Variants in UBALD1 observed in about 807,000 individuals in gnomAD.
UBALD1 encodes the protein UBA-like domain-containing protein 1.
Under a neutral mutation model 16.1 loss-of-function variants are expected in UBALD1, and 5 were observed. That is an observed-to-expected ratio of 0.31 (90% CI 0.16 to 0.66). UBALD1 has a LOEUF of 0.66. Among genes scored for constraint, UBALD1 ranks in the 30% least tolerant of loss-of-function variants. The pLI is 0.77. For missense variants in UBALD1, 220 were observed against 252.8 expected (o/e 0.87, Z 0.88); for synonymous variants, 146 against 105.3 (o/e 1.39, Z -2.37).
At position 4,609,918 on chromosome 16, in the gene UBALD1, G is replaced by A. The variant is rs1471443888; in HGVS notation, c.249C>T (p.Ser83=). ...GGAAGCTCTCGGAGGCCTTGAGACG[G>A]GAGAACATGGTGAGAGCGTCAGGGA... ...PNFPDALTMF[S]RLKASESFHS... is the part of the protein sequence containing the mutation. Residue 83 remains serine, a synonymous_variant, in exon 3 of 3, where the codon TCC becomes TCT. Coordinates refer to ENST00000283474, the MANE Select transcript of UBALD1 (RefSeq NM_145253.3). 1 of 1,597,710 alleles carries A rather than the reference G, an allele frequency of 6.3e-7. No individual in the cohort carries two copies. Among genetic ancestry groups the A allele is most frequent in the African/African-American group, 1.3e-5 (1 of 74,558 alleles).
At chr16:4,614,553 C>T (rs1897400183) in intron 1 of UBALD1, 125 bp downstream of exon 1, 3 of 1,290,130 alleles carry the variant, frequency 2.3e-6, no homozygotes, top group South Asian at 2.1e-5. Flanking sequence ...GAAAGCGGGT[C>T]GGGTCTGCGG....
rs1368503942 is a variant in UBALD1 at position 4,614,815 on chromosome 16, C to T, written c.-18G>A. On this transcript the variant is annotated 5_prime_UTR_variant, in exon 1 of 3. Transcript: ENST00000283474. ...ACGGACATGGCGCCGCCGCGCTGCC[C>T]GCTCCGGCCTCCCTCCTCCGCCCGC... The T allele has an allele frequency of 1.3e-6, 2 of 1,493,758 alleles. No homozygotes were observed. Among genetic ancestry groups the T allele is most frequent in the African/African-American group, 1.5e-5 (1 of 68,902 alleles). 92.5% of individuals were successfully genotyped at this position (1,493,758 alleles called of 1,614,324 possible).
intron 1 of UBALD1, chr16:4,613,839 C>A (rs1040164559): frequency 2.6e-5 from 4 of 152,458 alleles, no homozygotes; most frequent in African/African-American, 4.8e-5. Flanking sequence ...TCACCTCCTA[C>A]CCAGCTAGCC....
intron 2 of UBALD1, 125 bp from the exon 3 acceptor site, chr16:4,610,108 C>A (rs953566719): frequency 1.2e-6 from 1 of 837,298 alleles, no homozygotes; most frequent in Non-Finnish European, 2.0e-6. Flanking sequence ...CCCAGATCCC[C>A]AAGCCTGTCC....
chr16:4,609,787 G>T lies in UBALD1; in HGVS notation c.380C>A (p.Ala127Glu). ...CTGTGGGCCCCCCGGGGGCGAGGCCGCCGTGGGCCAGCTGGAGGCCGCAGA... is the reference window on the plus strand; with the variant it reads ...CTGTGGGCCCCCCGGGGGCGAGGCCTCCGTGGGCCAGCTGGAGGCCGCAGA... Reference protein sequence around the residue: ...SSSAASSWPTAASPPGGPQHH... With the variant: ...SSSAASSWPTEASPPGGPQHH... The change falls in exon 3 of 3, where the codon GCG (alanine) becomes GAG (glutamate). Residue 127 changes from alanine (A) to glutamate (E), a missense_variant. Transcript: ENST00000283474. 1 of 1,507,732 alleles carries T rather than the reference G, an allele frequency of 6.6e-7. No individual in the cohort carries two copies. 93.4% of individuals were successfully genotyped at this position (1,507,732 alleles called of 1,614,324 possible). A position where few individuals can be genotyped will look rare whatever the true frequency, so the allele number is the denominator to read the frequency against.
At chr16:4,610,687 T>G in intron 1 of UBALD1, 132 bp from the exon 2 acceptor site, 1 of 963,246 alleles carries the variant, frequency 1.0e-6, no homozygotes, top group Non-Finnish European at 1.5e-6. Context: ...GTCGCGGTGC[T>G]GAGGCTCAGT....
Position 4,609,626 on chromosome 16 carries a change from G to A in UBALD1, c.*7C>T, listed in dbSNP as rs1897331895. ...TCCTGGCCTCCGGGAGGGGGGAGGG[G>A]CCTCCCTTATCTCTCTGCCTCCATG... is the stretch of plus-strand genomic sequence containing the variant. On this transcript the variant is annotated 3_prime_UTR_variant, in exon 3 of 3. Coordinates refer to ENST00000283474, the MANE Select transcript of UBALD1 (RefSeq NM_145253.3). 4.6e-6 allele frequency: 6 copies of A among 1,301,888 alleles called. No individual in the cohort carries two copies. Among genetic ancestry groups the A allele is most frequent in the South Asian group, 2.1e-5 (1 of 47,336 alleles). The allele number at this position is 1,301,888 out of a possible 1,614,324, so 80.6% of individuals were successfully genotyped here. A position where few individuals can be genotyped will look rare whatever the true frequency, so the allele number is the denominator to read the frequency against.
chr16:4,613,662 G>A (rs958750440), intron 1 of UBALD1, among the ~76,000 whole-genome samples: 2 of 152,164 alleles, frequency 1.3e-5, no homozygotes, highest in Non-Finnish European at 2.9e-5. Context: ...GAGGGGCACA[G>A]CTCAAAGGGC....
rs1000557402 is a variant in UBALD1, at chr16:4,609,516, C to A, written c.*117G>T. On this transcript the variant is annotated 3_prime_UTR_variant, in exon 3 of 3. Transcript: ENST00000283474. Reference sequence around the variant, plus strand: ...GCCTGGCTAGAGTCCGCGCTCTCCCCTCCAGGGCTCCGGGGAACAAGGGGT... The same window carrying A: ...GCCTGGCTAGAGTCCGCGCTCTCCCATCCAGGGCTCCGGGGAACAAGGGGT... 1 of 474,820 alleles carries A rather than the reference C, an allele frequency of 2.1e-6. No individual in the cohort carries two copies. The highest frequency in any genetic ancestry group is 3.5e-6 in the Non-Finnish European group (1 of 285,918). 29.4% of individuals were successfully genotyped at this position (474,820 alleles called of 1,614,324 possible).
Position 4,613,585 on chromosome 16 carries a change from C to T in UBALD1, c.120+1093G>A, listed in dbSNP as rs563726017. ...CTGGGATGGCTCCTCATGGAGAAACCAGGTTCCCAGTCCCCGGCTGGGCAC... is the reference window on the plus strand; with the variant it reads ...CTGGGATGGCTCCTCATGGAGAAACTAGGTTCCCAGTCCCCGGCTGGGCAC... On this transcript the variant is annotated intron_variant, in intron 1 of 2. Coordinates refer to ENST00000283474, the MANE Select transcript of UBALD1 (RefSeq NM_145253.3). Among the ~76,000 whole-genome samples the T allele has an allele frequency of 2.6e-5, 4 of 152,268 alleles. No homozygotes were observed. In the East Asian group the frequency reaches 7.7e-4, roughly 29 times the overall value.
chr16:4,614,516 G>A (rs1897399421), intron 1 of UBALD1, 162 bp downstream of exon 1: 2 of 1,219,864 alleles, frequency 1.6e-6, no homozygotes, highest in Non-Finnish European at 2.2e-6. Flanking sequence ...GAGCCCTTGG[G>A]ATCCGGACGC....
At position 4,609,208 on chromosome 16, in the gene UBALD1, C is replaced by T. The variant is rs978449694; in HGVS notation, c.*425G>A. On this transcript the variant is annotated 3_prime_UTR_variant, in exon 3 of 3. Transcript: ENST00000283474. ...GTAGAAATACACAGACACGGCCACG[C>T]GCACACATGCGGAGAGGCTCTGCAT... 5.4e-5 allele frequency: 9 copies of T among 166,048 alleles called. No individual in the cohort carries two copies. The highest frequency in any genetic ancestry group is 9.5e-5 in the African/African-American group (4 of 41,984). 10.3% of individuals were successfully genotyped at this position (166,048 alleles called of 1,614,324 possible).
intron 1 of UBALD1, 24 bp from the exon 2 acceptor site, chr16:4,610,579 C>T (rs747278769): frequency 3.1e-6 from 5 of 1,599,144 alleles, no homozygotes; most frequent in Non-Finnish European, 4.3e-6. Flanking sequence ...GGCCCCTGCT[C>T]ACCCTCCAGG....
In UBALD1 at chr16:4,609,622, A is replaced by T; in HGVS notation, c.*11T>A. On this transcript the variant is annotated 3_prime_UTR_variant, in exon 3 of 3. Transcript: ENST00000283474. ...GGGGTCCTGGCCTCCGGGAGGGGGG[A>T]GGGGCCTCCCTTATCTCTCTGCCTC... The T allele has an allele frequency of 8.1e-7, 1 of 1,228,980 alleles. No individual in the cohort carries two copies. Among genetic ancestry groups the T allele is most frequent in the Non-Finnish European group, 1.1e-6 (1 of 936,766 alleles). The allele number at this position is 1,228,980 out of a possible 1,614,324, so 76.1% of individuals were successfully genotyped here. A position where few individuals can be genotyped will look rare whatever the true frequency, so the allele number is the denominator to read the frequency against.
chr16:4,611,742 G>A (rs1281578357), intron 1 of UBALD1, among the ~76,000 whole-genome samples: 1 of 152,232 alleles, frequency 6.6e-6, no homozygotes, highest in Non-Finnish European at 1.5e-5. Flanking sequence ...AGGAGCCCCA[G>A]AGGGAGGCGC....
chr16:4,614,579 C>A (rs1338489862), intron 1 of UBALD1, 99 bp downstream of exon 1: 1 of 1,278,934 alleles, frequency 7.8e-7, no homozygotes, highest in Non-Finnish European at 9.9e-7. Flanking sequence ...AGGGGGCGCA[C>A]AGCCGGCACG....
At chr16:4,614,198 G>C (rs531505087) in intron 1 of UBALD1, 70 of 284,944 alleles carry the variant, frequency 2.5e-4, no homozygotes, top group Non-Finnish European at 3.1e-4. Context: ...GCCGTGGCGC[G>C]GTGCGTGCGT....
intron 1 of UBALD1, among the ~76,000 whole-genome samples, chr16:4,612,598 G>A (rs1897371886): frequency 6.6e-6 from 1 of 152,038 alleles, no homozygotes; most frequent in African/African-American, 2.4e-5. Context: ...GCCGCTGTGA[G>A]CATTCTCCAT....
chr16:4,610,834 C>G lies in UBALD1; in HGVS notation c.121-279G>C, dbSNP rs1897350036. ...GTGCCTAAGGCCTGCAGAGCCCTCC[C>G]CCTGCACCAGCTGGCACCAGCACCA... On this transcript the variant is annotated intron_variant, in intron 1 of 2. Coordinates refer to ENST00000283474, the MANE Select transcript of UBALD1 (RefSeq NM_145253.3). The G allele has an allele frequency of 2.0e-5, 9 of 456,484 alleles. No homozygotes were observed. In the South Asian group the frequency reaches 4.2e-4, roughly 21 times the overall value. The allele number at this position is 456,484 out of a possible 1,614,324, so 28.3% of individuals were successfully genotyped here.
Sources: allele counts gnomAD v4.1 joint callset (sites outside exome capture counted in the v4.1 genomes callset), GRCh38; gene constraint gnomAD v4.1.1; transcripts MANE v1.5; gene names NCBI Gene and HGNC (gene_info 2026-07-23, HGNC 2026-07-21).